The following SERINC5 variants were observed in gnomAD, a reference collection of about 807,000 sequenced individuals.
SERINC5 encodes the protein serine incorporator 5.
In SERINC5, 41 loss-of-function variants were observed where a neutral mutation model predicts 63.1. The ratio of observed to expected loss-of-function variants is 0.65; its 90% CI spans 0.51 to 0.84. The LOEUF is 0.84. Among genes scored for constraint, SERINC5 ranks in the 40% least tolerant of loss-of-function variants. The probability of loss-of-function intolerance (pLI) is 0.00; values close to 1 mark genes in which losing one functional copy is unlikely to be tolerated. For missense variants in SERINC5, 523 were observed against 573.0 expected (o/e 0.91, Z 0.89); for synonymous variants, 222 against 215.2 (o/e 1.03, Z -0.28).
rs573042125 is a variant in SERINC5, at chr5:80,166,587, C to T, written c.764-109G>A. 67 of 659,896 alleles carry T rather than the reference C, an allele frequency of 1.0e-4. No individual in the cohort carries two copies. The African/African-American group carries it at 1.2e-3, about 12-fold the overall frequency. The allele number at this position is 659,896 out of a possible 1,614,324, so 40.9% of individuals were successfully genotyped here. A position where few individuals can be genotyped will look rare whatever the true frequency, so the allele number is the denominator to read the frequency against. On this transcript the variant is annotated intron_variant, in intron 6 of 11. Transcript: ENST00000507668. The stretch of plus-strand genomic sequence containing the variant: ...ACAGTCCTCAAACTTGAGCATCCAC[C>T]TTTAAAGGAAAGAAAAGAGAAAAAA...
chr5:80,215,718 C>T lies in SERINC5; in HGVS notation c.28-12665G>A, dbSNP rs114933063. 2.0e-3 allele frequency among the ~76,000 whole-genome samples: 297 copies of T among 152,204 alleles called. 3 individuals are homozygous for T. The highest frequency in any genetic ancestry group is 6.9e-3 in the African/African-American group (285 of 41,552). On this transcript the variant is annotated intron_variant, in intron 1 of 11. Transcript: ENST00000507668. ...TCAAACAAGTTTCAACATACTAGAG[C>T]GGTGTTATTTTCCACGTTGAACATT...
At chr5:80,160,994 A>G (rs1002090140) in intron 7 of SERINC5, among the ~76,000 whole-genome samples, 8 of 146,458 alleles carry the variant, frequency 5.5e-5, no homozygotes, top group Middle Eastern at 3.5e-3. Flanking sequence ...GTGTATATGT[A>G]TATATATACG....
chr5:80,147,515 G>A (rs949043935), intron 9 of SERINC5, among the ~76,000 whole-genome samples: 8 of 152,182 alleles, frequency 5.3e-5, no homozygotes, highest in Admixed American at 1.3e-4. Flanking sequence ...AATGCTGAGA[G>A]CAGAGCCTCG....
intron 5 of SERINC5, among the ~76,000 whole-genome samples, chr5:80,174,699 C>A (rs1406040358): frequency 6.6e-6 from 1 of 151,900 alleles, no homozygotes; most frequent in Non-Finnish European, 1.5e-5. Context: ...GTCAGGAGAT[C>A]GAGACCCGTA....
chr5:80,154,476 GC>G (rs1746396110), intron 8 of SERINC5, among the ~76,000 whole-genome samples: 1 of 152,176 alleles, frequency 6.6e-6, no homozygotes, highest in Non-Finnish European at 1.5e-5. Flanking sequence ...ATCACGCCTG[GC>G]CACGGGGTGG....
At chr5:80,204,977 C>A (rs1484338197) in intron 1 of SERINC5, among the ~76,000 whole-genome samples, 1 of 152,186 alleles carries the variant, frequency 6.6e-6, no homozygotes, top group African/African-American at 2.4e-5. Flanking sequence ...CCTTCTCAGG[C>A]ACATACACGG....
chr5:80,160,911 G>A (rs946200286), intron 7 of SERINC5, among the ~76,000 whole-genome samples: 1 of 147,960 alleles, frequency 6.8e-6, no homozygotes, highest in Non-Finnish European at 1.5e-5. Context: ...TGTGGAGATA[G>A]ATATATATAT....
intron 8 of SERINC5, among the ~76,000 whole-genome samples, chr5:80,151,463 G>A (rs1343249732): frequency 2.0e-5 from 3 of 152,232 alleles, no homozygotes; most frequent in Non-Finnish European, 2.9e-5. Context: ...ACTTCCCTGA[G>A]ACCTAGAAAG....
downstream of SERINC5, among the ~76,000 whole-genome samples, chr5:80,136,293 AT>A (rs537203003): frequency 1.9e-3 from 284 of 150,250 alleles, 2 homozygotes; most frequent in Admixed American, 4.2e-3. Context: ...ACAAAAAAAA[AT>A]GCTTTACTCT....
intron 11 of SERINC5, among the ~76,000 whole-genome samples, chr5:80,123,643 A>G (rs1014729068): frequency 6.6e-6 from 1 of 152,170 alleles, no homozygotes; most frequent in Admixed American, 6.5e-5. Flanking sequence ...CCAGCCCCCA[A>G]ATCCAAAACT....
intron 1 of SERINC5, among the ~76,000 whole-genome samples, chr5:80,208,772 G>T (rs1056741034): frequency 1.3e-5 from 2 of 152,120 alleles, no homozygotes; most frequent in Admixed American, 6.6e-5. Context: ...TTAGGTATGA[G>T]GCTGTTCATA....
chr5:80,177,638 G>A (rs552970546), intron 3 of SERINC5, among the ~76,000 whole-genome samples: 4 of 152,326 alleles, frequency 2.6e-5, no homozygotes, highest in African/African-American at 9.6e-5. Flanking sequence ...TGACCTGGGG[G>A]AAGGTCTTGG....
At chr5:80,255,858 G>C (rs1455071653) in intron 1 of SERINC5, 38 bp downstream of exon 1, 2 of 1,586,880 alleles carry the variant, frequency 1.3e-6, no homozygotes, top group East Asian at 2.3e-5. Context: ...CCGGTTCTCC[G>C]ATCTGACAAC....
downstream of SERINC5, among the ~76,000 whole-genome samples, chr5:80,134,472 T>A (rs542772849): frequency 1.8e-4 from 28 of 152,052 alleles, no homozygotes; most frequent in Admixed American, 5.9e-4. Context: ...GGTGATAGAG[T>A]GAGACTCTGT....
chr5:80,247,859 GTTGT>G (rs1235398067), intron 1 of SERINC5, among the ~76,000 whole-genome samples: 1 of 152,046 alleles, frequency 6.6e-6, no homozygotes, highest in Non-Finnish European at 1.5e-5. Context: ...AGAAAGTTTT[GTTGT>G]TTAAGACAGG....
At chr5:80,207,653 C>T (rs1037460823) in intron 1 of SERINC5, among the ~76,000 whole-genome samples, 2 of 152,146 alleles carry the variant, frequency 1.3e-5, no homozygotes, top group African/African-American at 2.4e-5. Context: ...CTATACAGTG[C>T]TATGGTATTA....
rs553348583 is a variant in SERINC5 at position 80,173,946 on chromosome 5, CTG to C, written c.551+1006_551+1007del. On this transcript the variant is annotated intron_variant, in intron 5 of 11. Transcript: ENST00000507668. ...TTTCAATTCTAATAGAGAATTGACA[CTG>C]TAAACCACAAAATTTGAGCTAGAAA... 2.0e-4 allele frequency among the ~76,000 whole-genome samples: 30 copies of C among 152,134 alleles called. No homozygotes were observed. In the East Asian group the frequency reaches 5.6e-3, roughly 28 times the overall value.
At chr5:80,152,852 A>G (rs1273538449) in intron 8 of SERINC5, among the ~76,000 whole-genome samples, 5 of 152,134 alleles carry the variant, frequency 3.3e-5, no homozygotes, top group African/African-American at 1.2e-4. Context: ...GAGGCAGGAA[A>G]ATTGCTTGAC....
chr5:80,250,966 G>GT (rs5869029), intron 1 of SERINC5, among the ~76,000 whole-genome samples: 116,356 of 152,106 alleles, frequency 0.76, 44,606 homozygotes, highest in Middle Eastern at 0.9. Flanking sequence ...CTGAATAAAC[G>GT]TGTTTTTACT....
Sources: gnomAD v4.1 joint callset for allele counts (sites outside exome capture counted in the v4.1 genomes callset) on GRCh38, gnomAD v4.1.1 for gene constraint, MANE v1.5 for transcripts, NCBI Gene and HGNC (gene_info 2026-07-23, HGNC 2026-07-21) for gene names.